TMPRSS2: variants seen among roughly 807,000 people sequenced by gnomAD.
TMPRSS2 encodes transmembrane serine protease 2, also known as transmembrane protease serine 2.
In TMPRSS2, 59 loss-of-function variants were observed where a neutral mutation model predicts 67.4. That is an observed-to-expected ratio of 0.88 (90% confidence interval 0.71 to 1.09). The LOEUF is 1.09. TMPRSS2 is among the 50% of genes least tolerant of loss of function. The pLI is 0.00. For synonymous variants in TMPRSS2, 257 were observed against 257.0 expected, an observed-to-expected ratio of 1.00 and a Z score of 0.00; for missense variants, 668 against 642.7, an observed-to-expected ratio of 1.04 and a Z score of -0.43.
In TMPRSS2 at chr21:41,465,791, G is replaced by A; in HGVS notation, c.*351C>T. ...CTCCTTTTTCATCTCAAGTCATCCA[G>A]CAGCTGAGAGGTGACAGCTCCATGC... On this transcript the variant is annotated 3_prime_UTR_variant, in exon 14 of 14. Transcript: ENST00000332149. 1 of 321,702 alleles carries A rather than the reference G, an allele frequency of 3.1e-6. No homozygotes were observed. The highest frequency in any genetic ancestry group is 8.3e-4 in the Middle Eastern group (1 of 1,212). 19.9% of individuals were successfully genotyped at this position (321,702 alleles called of 1,614,324 possible).
chr21:41,470,642 C>A lies in TMPRSS2; in HGVS notation c.1171+6G>T. The A allele has an allele frequency of 6.2e-7, 1 of 1,612,860 alleles. No individual in the cohort carries two copies. The highest frequency in any genetic ancestry group is 8.5e-7 in the Non-Finnish European group (1 of 1,179,680). Reference sequence around the variant, plus strand: ...TGCAGTCCTGTGTGCCCAGGAGCAGCCTCACCTTTCTCCTCGGTGGCCCCC... The same window carrying A: ...TGCAGTCCTGTGTGCCCAGGAGCAGACTCACCTTTCTCCTCGGTGGCCCCC... On this transcript the variant is annotated splice_donor_region_variant and intron_variant, in intron 11 of 13. Coordinates refer to ENST00000332149, the MANE Select transcript of TMPRSS2 (RefSeq NM_005656.4).
chr21:41,485,172 G>T (rs1021768673), intron 5 of TMPRSS2, among the ~76,000 whole-genome samples: 6 of 151,388 alleles, frequency 4.0e-5, no homozygotes, highest in South Asian at 4.2e-4. Context: ...AGGAAGAAGA[G>T]ATTTTTCACA....
At chr21:41,490,995 G>A (rs891333418) in intron 3 of TMPRSS2, among the ~76,000 whole-genome samples, 2 of 152,132 alleles carry the variant, frequency 1.3e-5, no homozygotes, top group East Asian at 3.9e-4. Context: ...CATCTGCTGA[G>A]GGCTCGATGC....
At chr21:41,496,994 C>T (rs2091388281) in intron 2 of TMPRSS2, among the ~76,000 whole-genome samples, 2 of 152,008 alleles carry the variant, frequency 1.3e-5, no homozygotes, top group Admixed American at 6.6e-5. Flanking sequence ...GCATGCACCA[C>T]CACACCCGGC....
intron 3 of TMPRSS2, 24 bp from the exon 4 acceptor site, chr21:41,489,617 C>CTTCTAA: frequency 1.3e-6 from 2 of 1,560,236 alleles, no homozygotes. Context: ...GAGAGTGCAA[C>CTTCTAA]GTTCAGACCA....
In TMPRSS2 at chr21:41,473,359, CG is replaced by C; in HGVS notation, c.864del (p.Glu289SerfsTer4). ...CAGTGGGCGGCTGTCACGATCCACT[CG>C]GGGGTGATGATGGAGCCTCCGCACA... The part of the protein sequence containing the change: ...VHVCGGSIIT[P>X]EWIVTAAHCV... On this transcript the variant is annotated frameshift_variant, in exon 9 of 14. Coordinates refer to ENST00000332149, the MANE Select transcript of TMPRSS2 (RefSeq NM_005656.4). LOFTEE classifies it high-confidence loss of function. The C allele has an allele frequency of 1.9e-6, 3 of 1,608,726 alleles. No homozygotes were observed. The highest frequency in any genetic ancestry group is 1.7e-5 in the Admixed American group (1 of 59,706).
At chr21:41,503,797 C>A (rs2091439077) in intron 1 of TMPRSS2, among the ~76,000 whole-genome samples, 1 of 152,228 alleles carries the variant, frequency 6.6e-6, no homozygotes, top group South Asian at 2.1e-4. Context: ...ACATAGTGAT[C>A]TTTCATATTA....
At chr21:41,488,342 C>T in intron 5 of TMPRSS2, 52 bp downstream of exon 5, 2 of 1,586,242 alleles carry the variant, frequency 1.3e-6, no homozygotes, top group Non-Finnish European at 8.6e-7. Flanking sequence ...GACCCGGCTG[C>T]TGTCTCCAAG....
At chr21:41,469,653 G>A (rs549094034) in intron 11 of TMPRSS2, among the ~76,000 whole-genome samples, 2 of 151,962 alleles carry the variant, frequency 1.3e-5, no homozygotes, top group Non-Finnish European at 2.9e-5. Flanking sequence ...CTTCAAAATA[G>A]CCGGGACCTT....
intron 5 of TMPRSS2, among the ~76,000 whole-genome samples, chr21:41,481,034 C>T (rs898643883): frequency 5.3e-5 from 8 of 152,154 alleles, no homozygotes; most frequent in Non-Finnish European, 1.0e-4. Flanking sequence ...AGGCACTGAC[C>T]GCACACAAAG....
intron 3 of TMPRSS2, among the ~76,000 whole-genome samples, chr21:41,490,523 G>C (rs2091328055): frequency 6.6e-6 from 1 of 152,248 alleles, no homozygotes; most frequent in Non-Finnish European, 1.5e-5. Flanking sequence ...CCTAAGTCCT[G>C]CTGGACAGCG....
chr21:41,464,567 A>G lies in TMPRSS2; in HGVS notation c.*1575T>C, dbSNP rs1260571907. On this transcript the variant is annotated 3_prime_UTR_variant, in exon 14 of 14. Transcript: ENST00000332149. ...ATGCAGTAGTTACTTTGAAAAAAAA[A>G]TTGCATAATTTATTTGCATGATATT... 8.9e-6 allele frequency: 2 copies of G among 225,414 alleles called. No individual in the cohort carries two copies. Among genetic ancestry groups the G allele is most frequent in the Admixed American group, 5.7e-5 (1 of 17,534 alleles). 14.0% of individuals were successfully genotyped at this position (225,414 alleles called of 1,614,324 possible). A position where few individuals can be genotyped will look rare whatever the true frequency, so the allele number is the denominator to read the frequency against.
intron 1 of TMPRSS2, among the ~76,000 whole-genome samples, chr21:41,499,477 G>T (rs1376197518): frequency 6.6e-6 from 1 of 152,128 alleles, no homozygotes; most frequent in African/African-American, 2.4e-5. Context: ...CTCGGTATCT[G>T]ATCACTCTGG....
At position 41,468,747 on chromosome 21, in the gene TMPRSS2, A is replaced by G. The variant is rs1042025993; in HGVS notation, c.1172-209T>C. ...AACTGGCGGTGCCTGTGCTGAATGCAGCTCTGGAGTTCAGCTTCAGGGAAA... is the reference window on the plus strand; with the variant it reads ...AACTGGCGGTGCCTGTGCTGAATGCGGCTCTGGAGTTCAGCTTCAGGGAAA... On this transcript the variant is annotated intron_variant, in intron 11 of 13. Transcript: ENST00000332149. 10 of 532,978 alleles carry G rather than the reference A, an allele frequency of 1.9e-5. No individual in the cohort carries two copies. In the African/African-American group the frequency reaches 1.9e-4, roughly 10 times the overall value. 33.0% of individuals were successfully genotyped at this position (532,978 alleles called of 1,614,324 possible).
intron 2 of TMPRSS2, 102 bp from the exon 3 acceptor site, chr21:41,494,680 T>A: frequency 1.9e-6 from 2 of 1,060,136 alleles, no homozygotes; most frequent in Non-Finnish European, 2.9e-6. Context: ...AATGATCTTT[T>A]AAATTGATAA....
chr21:41,484,762 G>T (rs530253044), intron 5 of TMPRSS2, among the ~76,000 whole-genome samples: 1 of 152,260 alleles, frequency 6.6e-6, no homozygotes, highest in South Asian at 2.1e-4. Flanking sequence ...GGAGCAGTGT[G>T]TGTTACAGCA....
At chr21:41,507,186 A>T (rs749821045) in intron 1 of TMPRSS2, among the ~76,000 whole-genome samples, 2 of 152,034 alleles carry the variant, frequency 1.3e-5, no homozygotes, top group Non-Finnish European at 2.9e-5. Flanking sequence ...TTTCAGCTGG[A>T]CCCGTGCTCG....
intron 1 of TMPRSS2, among the ~76,000 whole-genome samples, chr21:41,500,598 G>A (rs2146500868): frequency 6.6e-6 from 1 of 152,266 alleles, no homozygotes; most frequent in Non-Finnish European, 1.5e-5. Flanking sequence ...CAACAAACAT[G>A]CACCAATCAT....
At chr21:41,473,149 T>C (rs938861542) in intron 9 of TMPRSS2, among the ~76,000 whole-genome samples, 176 bp downstream of exon 9, 1 of 152,156 alleles carries the variant, frequency 6.6e-6, no homozygotes, top group Non-Finnish European at 1.5e-5. Flanking sequence ...CATACAGCCA[T>C]GCACTGCCTG....
Sources: allele counts gnomAD v4.1 joint callset (sites outside exome capture counted in the v4.1 genomes callset), GRCh38; gene constraint gnomAD v4.1.1; transcripts MANE v1.5; gene names NCBI Gene and HGNC (gene_info 2026-07-23, HGNC 2026-07-21).